The following ZNF444 variants were observed in gnomAD, a reference collection of about 807,000 sequenced individuals.
ZNF444 encodes endothelial zinc finger protein 2.
In ZNF444, 8 loss-of-function variants were observed where a neutral mutation model predicts 14.4. The ratio of observed to expected loss-of-function variants is 0.56; its 90% CI spans 0.33 to 1.00. The LOEUF is 1.00. Ranked by LOEUF, ZNF444 falls within the 50% of genes least tolerant of loss-of-function variation. The pLI is 0.03. For synonymous variants in ZNF444, 258 were observed against 235.9 expected (o/e 1.09, Z -0.86); for missense variants, 510 against 504.8 (o/e 1.01, Z -0.10).
At chr19:56,142,317 T>G (rs1279903134) in intron 1 of ZNF444, 1 of 152,232 alleles carries the variant, frequency 6.6e-6, no homozygotes, top group Non-Finnish European at 1.5e-5. Context: ...AGGTGCCTTG[T>G]ACCTCGTCCA....
At position 56,145,656 on chromosome 19, in the gene ZNF444, G is replaced by A. The variant is rs1480723292; in HGVS notation, c.-196-591G>A. 1.3e-5 allele frequency among the ~76,000 whole-genome samples: 2 copies of A among 152,114 alleles called. No individual in the cohort carries two copies. Among genetic ancestry groups the A allele is most frequent in the African/African-American group, 2.4e-5 (1 of 41,430 alleles). On this transcript the variant is annotated intron_variant, in intron 1 of 4. Transcript: ENST00000337080. The surrounding 1 kb of genome is among the most constrained non-coding windows in gnomAD (Gnocchi z 4.3). ...CTCTCTCTATTCTACGCCATGGGAGGACACAAAAGGAGGCCGTCGGCAGCC... is the reference window on the plus strand; with the variant it reads ...CTCTCTCTATTCTACGCCATGGGAGAACACAAAAGGAGGCCGTCGGCAGCC...
intron 1 of ZNF444, among the ~76,000 whole-genome samples, chr19:56,142,562 C>T (rs1298159418): frequency 6.6e-6 from 1 of 152,156 alleles, no homozygotes; most frequent in Non-Finnish European, 1.5e-5. Flanking sequence ...CACAGGATAG[C>T]CCGCCACGAC....
At chr19:56,158,883 C>T (rs2032076315) in intron 4 of ZNF444, among the ~76,000 whole-genome samples, 1 of 151,934 alleles carries the variant, frequency 6.6e-6, no homozygotes, top group Non-Finnish European at 1.5e-5. Context: ...ACCCATCCAT[C>T]CCTCTATCAT....
chr19:56,132,935 CTTTTTTTT>C lies in ZNF444; in HGVS notation c.-197+170_-197+177del, dbSNP rs61365745. ...TTTCTTTTTCTTTCTTTCTTTCTTT[CTTTTTTTT>C]TTTTTTTTTTTTGAGACAGAGTCTC... On this transcript the variant is annotated intron_variant, in intron 1 of 2. Transcript: ENST00000587467. Among the ~76,000 whole-genome samples, 3 of 94,262 alleles carry C rather than the reference CTTTTTTTT, an allele frequency of 3.2e-5. No homozygotes were observed. In the South Asian group the frequency reaches 1.4e-3, roughly 42 times the overall value. The allele number at this position is 94,262 out of a possible 152,430, so 61.8% of individuals were successfully genotyped here.
chr19:56,148,377 G>A (rs957833238), intron 3 of ZNF444, among the ~76,000 whole-genome samples: 2 of 152,084 alleles, frequency 1.3e-5, no homozygotes, highest in Non-Finnish European at 2.9e-5. Context: ...CAGAGCAGTC[G>A]CGTGTTCCTC....
chr19:56,133,025 C>T (rs1218029207), intron 1 of ZNF444, among the ~76,000 whole-genome samples: 2 of 148,588 alleles, frequency 1.3e-5, no homozygotes, highest in South Asian at 2.2e-4. Flanking sequence ...GCAACCTCCA[C>T]CTCTTAGGTT....
rs769248327 is a variant in ZNF444, at chr19:56,145,065, C to A, written c.-196-1182C>A. Among the ~76,000 whole-genome samples the A allele has an allele frequency of 6.6e-6, 1 of 152,232 alleles. No homozygotes were observed. Among genetic ancestry groups the A allele is most frequent in the Non-Finnish European group, 1.5e-5 (1 of 68,042 alleles). ...CGTGGACAGCGCGTGAGCAAGTGGG[C>A]GTGGATGTGCGCCAGTGAGACTTAA... is the stretch of plus-strand genomic sequence containing the variant. On this transcript the variant is annotated intron_variant, in intron 1 of 4. Transcript: ENST00000337080. This position sits in a 1 kb window ranked among gnomAD's most constrained non-coding sequence, Gnocchi z 4.3.
rs944107469 is a variant in ZNF444 at position 56,147,016 on chromosome 19, G to A, written c.105G>A (p.Arg35=). ...ACCTGGGCGACGCGCCGGGCCCGCG[G>A]GAGGCGCTGGGGCTGCTCCGCGCCC... ...RFHLGDAPGP[R]EALGLLRALC... is the part of the protein sequence containing the mutation. Residue 35 remains arginine (R), a synonymous_variant, in exon 3 of 5, where the codon CGG becomes CGA. Coordinates refer to ENST00000337080, the MANE Select transcript of ZNF444 (RefSeq NM_018337.4). This position sits in a 1 kb window ranked among gnomAD's most constrained non-coding sequence, Gnocchi z 5.9. 3.5e-5 allele frequency: 52 copies of A among 1,469,754 alleles called. No individual in the cohort carries two copies. Among genetic ancestry groups the A allele is most frequent in the Non-Finnish European group, 4.5e-5 (50 of 1,119,408 alleles). 91.0% of individuals were successfully genotyped at this position (1,469,754 alleles called of 1,614,324 possible).
intron 3 of ZNF444, among the ~76,000 whole-genome samples, chr19:56,149,545 G>T (rs1344002921): frequency 6.6e-6 from 1 of 152,156 alleles, no homozygotes; most frequent in Non-Finnish European, 1.5e-5. Context: ...TTTGTTACAT[G>T]TGCCATGAAG....
chr19:56,138,127 AAAAAC>A (rs986181806), upstream of ZNF444, among the ~76,000 whole-genome samples: 1 of 152,152 alleles, frequency 6.6e-6, no homozygotes, highest in Non-Finnish European at 1.5e-5. Flanking sequence ...CTCCATCTTA[AAAAAC>A]AAAATTCCTC....
chr19:56,150,761 T>C (rs994928043), intron 3 of ZNF444, among the ~76,000 whole-genome samples: 1 of 150,206 alleles, frequency 6.7e-6, no homozygotes, highest in Non-Finnish European at 1.5e-5. Flanking sequence ...TGGATTGGGG[T>C]TTCTTGGCAT....
At position 56,147,334 on chromosome 19, in the gene ZNF444, G is replaced by A. The variant is rs774133349; in HGVS notation, c.297+126G>A. The A allele has an allele frequency of 2.7e-6, 3 of 1,128,480 alleles. No homozygotes were observed. Among genetic ancestry groups the A allele is most frequent in the South Asian group, 1.9e-5 (1 of 52,380 alleles). 69.9% of individuals were successfully genotyped at this position (1,128,480 alleles called of 1,614,324 possible). A position where few individuals can be genotyped will look rare whatever the true frequency, so the allele number is the denominator to read the frequency against. ...GTGTGACTCGCGGTGGGGAGGCTGC[G>A]GTACAGGCTGCGGTACAGCGTGGAG... On this transcript the variant is annotated intron_variant, in intron 3 of 4. Transcript: ENST00000337080. This position sits in a 1 kb window ranked among gnomAD's most constrained non-coding sequence, Gnocchi z 5.9.
chr19:56,138,792 C>T (rs1357287959), upstream of ZNF444, among the ~76,000 whole-genome samples: 61 of 92,852 alleles, frequency 6.6e-4, 1 homozygote, highest in Non-Finnish European at 7.9e-4. Context: ...CTTGAATGTA[C>T]TTTTTTTTTT....
chr19:56,152,351 AC>A (rs2031636849), intron 3 of ZNF444, among the ~76,000 whole-genome samples: 1 of 149,034 alleles, frequency 6.7e-6, no homozygotes, highest in African/African-American at 2.5e-5. Flanking sequence ...AAAAAAAAAT[AC>A]CGTTGCCGGG....
rs73617507 is a variant in ZNF444 at position 56,146,855 on chromosome 19, G to A, written c.-22-35G>A. 2.3e-6 allele frequency: 3 copies of A among 1,328,572 alleles called. No homozygotes were observed. In the East Asian group the frequency reaches 9.5e-5, roughly 42 times the overall value. 82.3% of individuals were successfully genotyped at this position (1,328,572 alleles called of 1,614,324 possible). A position where few individuals can be genotyped will look rare whatever the true frequency, so the allele number is the denominator to read the frequency against. On this transcript the variant is annotated intron_variant, in intron 2 of 4. Coordinates refer to ENST00000337080, the MANE Select transcript of ZNF444 (RefSeq NM_018337.4). Reference sequence around the variant, plus strand: ...GTCTGGGCACCGCGGGCAGGGTCTCGGCGGGCAGGGGTCTCACCGGCTTGT... The same window carrying A: ...GTCTGGGCACCGCGGGCAGGGTCTCAGCGGGCAGGGGTCTCACCGGCTTGT...
Position 56,147,172 on chromosome 19 carries a change from CG to C in ZNF444, c.265del (p.Glu89ArgfsTer29). 6.7e-7 allele frequency: 1 copy of C among 1,488,254 alleles called. No individual in the cohort carries two copies. The allele number at this position is 1,488,254 out of a possible 1,614,324, so 92.2% of individuals were successfully genotyped here. On this transcript the variant is annotated frameshift_variant, in exon 3 of 5. Coordinates refer to ENST00000337080, the MANE Select transcript of ZNF444 (RefSeq NM_018337.4). LOFTEE classifies it high-confidence loss of function. The surrounding 1 kb of genome is among the most constrained non-coding windows in gnomAD (Gnocchi z 5.9). The stretch of plus-strand genomic sequence containing the variant: ...GGGTGTGCAGCCGGCAGCCGCAGAG[CG>C]GGGAGGAGGCGGTGGCCCTGCTGGA... ...AWVCSRQPQS[G>X]EEAVALLEEL...
intron 3 of ZNF444, among the ~76,000 whole-genome samples, chr19:56,149,056 C>T (rs141110392): frequency 0.011 from 1,634 of 147,194 alleles, 15 homozygotes; most frequent in Middle Eastern, 0.036. Context: ...TTGACCTCTG[C>T]TTCCATCCCC....
chr19:56,148,885 T>A (rs1444304338), intron 3 of ZNF444, among the ~76,000 whole-genome samples: 1 of 152,148 alleles, frequency 6.6e-6, no homozygotes, highest in Non-Finnish European at 1.5e-5. Flanking sequence ...CAAGGTGTCA[T>A]CTGCAGAGCC....
rs1374297479 is a variant in ZNF444 at position 56,147,322 on chromosome 19, T to C, written c.297+114T>C. ...CCCTGAAAACCAGTGTGACTCGCGG[T>C]GGGGAGGCTGCGGTACAGGCTGCGG... is the stretch of plus-strand genomic sequence containing the variant. On this transcript the variant is annotated intron_variant, in intron 3 of 4. Transcript: ENST00000337080. The surrounding 1 kb of genome is among the most constrained non-coding windows in gnomAD (Gnocchi z 5.9). 17 of 1,234,028 alleles carry C rather than the reference T, an allele frequency of 1.4e-5. No individual in the cohort carries two copies. Among genetic ancestry groups the C allele is most frequent in the Non-Finnish European group, 3.2e-6 (3 of 946,028 alleles). The allele number at this position is 1,234,028 out of a possible 1,614,324, so 76.4% of individuals were successfully genotyped here.
Sources: gnomAD v4.1 joint callset for allele counts (sites outside exome capture counted in the v4.1 genomes callset) on GRCh38, gnomAD v4.1.1 for gene constraint, Gnocchi (gnomAD v3.1) non-coding constraint, MANE v1.5 for transcripts, NCBI Gene and HGNC (gene_info 2026-07-23, HGNC 2026-07-21) for gene names.